DPP10: variants seen among roughly 807,000 people sequenced by gnomAD.
DPP10 encodes dipeptidyl peptidase like 10, also known as inactive dipeptidyl peptidase 10.
A neutral mutation model predicts 120.9 loss-of-function variants in DPP10; 33 were observed. That is an observed-to-expected ratio of 0.27 (90% confidence interval 0.21 to 0.37). The LOEUF (loss-of-function observed/expected upper bound fraction) is 0.37, where lower values mean the gene tolerates loss of function less well. DPP10 is among the 10% of genes least tolerant of loss of function. The probability of loss-of-function intolerance (pLI) is 1.00; values close to 1 mark genes in which losing one functional copy is unlikely to be tolerated. For missense variants in DPP10, 816 were observed against 942.8 expected (o/e 0.87, Z 1.76); for synonymous variants, 337 against 326.1 (o/e 1.03, Z -0.36).
intron 4 of DPP10, among the ~76,000 whole-genome samples, chr2:115,511,900 TA>T (rs1321602164): frequency 6.6e-6 from 1 of 151,334 alleles, no homozygotes. Context: ...CTAATTTTTT[TA>T]AAAAAAGTTT....
At chr2:115,762,507 AG>A (rs1438673593) in intron 11 of DPP10, 64 bp from the exon 12 acceptor site, 1 of 1,585,822 alleles carries the variant, frequency 6.3e-7, no homozygotes, top group Non-Finnish European at 8.6e-7. Context: ...GTTTTAAAAA[AG>A]TTAAATTTAT....
At chr2:114,472,578 G>C (rs1008298665) in intron 1 of DPP10, among the ~76,000 whole-genome samples, 1 of 152,152 alleles carries the variant, frequency 6.6e-6, no homozygotes, top group African/African-American at 2.4e-5. Context: ...CACCTTCGAT[G>C]CAGGCTGCGT....
At chr2:114,719,286 C>T (rs557902316) in intron 1 of DPP10, among the ~76,000 whole-genome samples, 1 of 152,188 alleles carries the variant, frequency 6.6e-6, no homozygotes, top group African/African-American at 2.4e-5. Flanking sequence ...TTCATTTTTC[C>T]TCATTTGGCT....
chr2:114,822,017 T>G (rs1405493118), intron 1 of DPP10, among the ~76,000 whole-genome samples: 1 of 152,092 alleles, frequency 6.6e-6, no homozygotes, highest in African/African-American at 2.4e-5. Context: ...ATGGTGGCCC[T>G]CTTCTCACAG....
At chr2:115,592,246 G>A (rs549605590) in intron 5 of DPP10, among the ~76,000 whole-genome samples, 41 of 152,290 alleles carry the variant, frequency 2.7e-4, no homozygotes, top group African/African-American at 9.4e-4. Flanking sequence ...TGGACTCAGA[G>A]CATGCCCCAC....
At chr2:115,448,511 G>T (rs1386185287) in intron 3 of DPP10, among the ~76,000 whole-genome samples, 2 of 151,970 alleles carry the variant, frequency 1.3e-5, no homozygotes, top group Non-Finnish European at 2.9e-5. Context: ...AATAATTCAA[G>T]ACATAATCCT....
At chr2:114,469,274 T>C (rs1679696740) in intron 1 of DPP10, among the ~76,000 whole-genome samples, 2 of 152,204 alleles carry the variant, frequency 1.3e-5, no homozygotes, top group Admixed American at 6.5e-5. Context: ...AGTGCAAAAG[T>C]TGCTCAAATG....
Position 114,714,536 on chromosome 2 carries a change from A to G in DPP10, c.60+271698A>G, listed in dbSNP as rs140043485. ...GATGGCTCTAAACGGAGAAAAGCCT[A>G]AACAACACTCTTAGGAAGGAAATGA... On this transcript the variant is annotated intron_variant, in intron 1 of 25. Transcript: ENST00000410059. Among the ~76,000 whole-genome samples the G allele has an allele frequency of 4.9e-4, 74 of 152,248 alleles. 1 individual carries two copies. The highest frequency in any genetic ancestry group is 3.4e-3 in the Middle Eastern group (1 of 294).
In DPP10 at chr2:115,338,328, G is replaced by A. The variant is rs921080817; in HGVS notation, c.176-5489G>A. 5.3e-5 allele frequency among the ~76,000 whole-genome samples: 8 copies of A among 152,164 alleles called. No individual in the cohort carries two copies. The South Asian group carries it at 6.2e-4, about 12-fold the overall frequency. ...GTATTTATGTAATTTTTATATCAAT[G>A]TGTTAAAGGAGAAAAATATGTTTAT... On this transcript the variant is annotated intron_variant, in intron 2 of 25. Transcript: ENST00000410059.
intron 5 of DPP10, among the ~76,000 whole-genome samples, chr2:115,553,320 A>G (rs574157782): frequency 6.6e-6 from 1 of 152,174 alleles, no homozygotes; most frequent in East Asian, 1.9e-4. Flanking sequence ...CTCCATAGCT[A>G]TTCTTCTTGC....
intron 3 of DPP10, among the ~76,000 whole-genome samples, chr2:115,480,378 T>C (rs2075355805): frequency 6.6e-6 from 1 of 152,170 alleles, no homozygotes; most frequent in Admixed American, 6.6e-5. Context: ...ATTTTTTTCT[T>C]ACTGACTAGG....
intron 1 of DPP10, among the ~76,000 whole-genome samples, chr2:115,083,744 C>T (rs1708469172): frequency 1.3e-5 from 2 of 152,206 alleles, no homozygotes; most frequent in South Asian, 4.1e-4. Context: ...CAATTTTTGT[C>T]TCTGCCTCTG....
intron 1 of DPP10, among the ~76,000 whole-genome samples, chr2:115,010,708 A>G (rs1202924636): frequency 6.6e-6 from 1 of 152,150 alleles, no homozygotes; most frequent in East Asian, 1.9e-4. Flanking sequence ...AGCTCCAAAA[A>G]TCCATCATTT....
chr2:114,677,099 C>T (rs1029279791), intron 1 of DPP10, among the ~76,000 whole-genome samples: 21 of 152,196 alleles, frequency 1.4e-4, no homozygotes, highest in African/African-American at 4.3e-4. Context: ...TTATCCTCCC[C>T]GGCTCATCAG....
chr2:115,407,003 G>A (rs1359810994), intron 3 of DPP10, among the ~76,000 whole-genome samples: 1 of 152,126 alleles, frequency 6.6e-6, no homozygotes, highest in Non-Finnish European at 1.5e-5. Context: ...ACGGGGAGTG[G>A]AATTTATTGG....
intron 1 of DPP10, among the ~76,000 whole-genome samples, chr2:114,900,250 T>C (rs1008423991): frequency 1.3e-5 from 2 of 152,256 alleles, no homozygotes; most frequent in African/African-American, 4.8e-5. Flanking sequence ...TAATAATTCT[T>C]GTACGTGTCT....
intron 7 of DPP10, among the ~76,000 whole-genome samples, chr2:115,690,945 T>A (rs917093737): frequency 2.0e-5 from 3 of 152,184 alleles, no homozygotes; most frequent in Non-Finnish European, 2.9e-5. Context: ...GACTTTTAAA[T>A]AATTACTCAA....
chr2:114,624,440 T>A (rs184729420), intron 1 of DPP10, among the ~76,000 whole-genome samples: 86 of 152,078 alleles, frequency 5.7e-4, no homozygotes, highest in Middle Eastern at 3.4e-3. Flanking sequence ...CCCTAAATTA[T>A]CATGTGAATA....
At chr2:115,411,550 A>G (rs1271368029) in intron 3 of DPP10, among the ~76,000 whole-genome samples, 1 of 152,144 alleles carries the variant, frequency 6.6e-6, no homozygotes, top group Non-Finnish European at 1.5e-5. Flanking sequence ...ATATGATTTA[A>G]AGAAGTTCTT....
Sources: allele counts gnomAD v4.1 joint callset (sites outside exome capture counted in the v4.1 genomes callset), GRCh38; gene constraint gnomAD v4.1.1; transcripts MANE v1.5; gene names NCBI Gene and HGNC (gene_info 2026-07-23, HGNC 2026-07-21).